The following GBP6 variants were observed in gnomAD, a reference collection of about 807,000 sequenced individuals.
GBP6 encodes guanylate-binding protein 6.
Under a neutral mutation model 61.5 loss-of-function variants are expected in GBP6, and 54 were observed. The ratio of observed to expected loss-of-function variants is 0.88; its 90% CI spans 0.71 to 1.10. The LOEUF (loss-of-function observed/expected upper bound fraction) is 1.10, where lower values mean the gene tolerates loss of function less well. Among genes scored for constraint, GBP6 ranks in the 50% least tolerant of loss-of-function variants. The pLI, the probability that GBP6 is intolerant of heterozygous loss-of-function variation, is 0.00. For missense variants in GBP6, 748 were observed against 752.8 expected (o/e 0.99, Z 0.07); for synonymous variants, 255 against 273.7 (o/e 0.93, Z 0.67).
In GBP6 at chr1:89,385,231, T is replaced by A. The variant is rs775584880; in HGVS notation, c.1664T>A (p.Val555Asp). Residue 555 changes from valine to aspartate, a missense_variant and splice_region_variant, in exon 11 of 11, where the codon GTC becomes GAC. Physicochemically the swap from Val to Asp is radical, Grantham distance 152. Coordinates refer to ENST00000370456, the MANE Select transcript of GBP6 (RefSeq NM_198460.3). ...CTTTCCTTCCTACATTGTCTTTAGG[T>A]CCAAAATGATTGGCTTCATGAAGGA... ...QIMMLEHTQK[V>D]QNDWLHEGFK... 1.2e-6 allele frequency: 2 copies of A among 1,612,636 alleles called. No individual in the cohort carries two copies. Among genetic ancestry groups the A allele is most frequent in the Non-Finnish European group, 1.7e-6 (2 of 1,178,834 alleles).
Position 89,381,763 on chromosome 1 carries a change from C to T in GBP6, c.941C>T (p.Ala314Val). 1 of 1,614,150 alleles carries T rather than the reference C, an allele frequency of 6.2e-7. No homozygotes were observed. Among genetic ancestry groups the T allele is most frequent in the African/African-American group, 1.3e-5 (1 of 75,030 alleles). The change falls in exon 7 of 11, where the codon GCA (alanine) becomes GTA (valine). Residue 314 changes from alanine (A) to valine (V), a missense_variant. Ala to Val is a moderately conservative substitution (Grantham distance 64). Transcript: ENST00000370456. ...NSGAVPCLENAVITLAQRENS... is the reference protein window; with the variant it reads ...NSGAVPCLENVVITLAQRENS... ...GGAGCAGTGCCTTGTCTGGAGAATG[C>T]AGTGATAACTCTGGCCCAGCGTGAG...
At position 89,387,098 on chromosome 1, in the gene GBP6, A is replaced by G. The variant is rs1653164502; in HGVS notation, c.*1629A>G. ...TAGCCTTGATCTGAGCTAATTTCAG[A>G]CCCTGAACTCAGTTGGAGTGGAGGG... On this transcript the variant is annotated 3_prime_UTR_variant, in exon 11 of 11. Transcript: ENST00000370456. 6.6e-6 allele frequency among the ~76,000 whole-genome samples: 1 copy of G among 152,126 alleles called. No homozygotes were observed. Among genetic ancestry groups the G allele is most frequent in the Non-Finnish European group, 1.5e-5 (1 of 68,032 alleles).
intron 1 of GBP6, among the ~76,000 whole-genome samples, chr1:89,367,992 T>C (rs1248486313): frequency 6.6e-6 from 1 of 152,244 alleles, no homozygotes; most frequent in Non-Finnish European, 1.5e-5. Flanking sequence ...TATAGACTTA[T>C]GACTGTTTTC....
At position 89,383,807 on chromosome 1, in the gene GBP6, C is replaced by T. The variant is rs547688637; in HGVS notation, c.1468+53C>T. On this transcript the variant is annotated intron_variant, in intron 9 of 10. Coordinates refer to ENST00000370456, the MANE Select transcript of GBP6 (RefSeq NM_198460.3). ...GAGGGGTACGTTTATACAATGCCCT[C>T]TAACAGATCTAACAGGAAAACCTTC... The T allele has an allele frequency of 3.8e-5, 47 of 1,252,902 alleles. No homozygotes were observed. In the East Asian group the frequency reaches 1.0e-3, roughly 27 times the overall value. 77.6% of individuals were successfully genotyped at this position (1,252,902 alleles called of 1,614,324 possible).
chr1:89,378,080 C>A (rs1652855142), intron 3 of GBP6, 23 bp from the exon 4 acceptor site: 18 of 1,602,086 alleles, frequency 1.1e-5, no homozygotes, highest in Non-Finnish European at 1.5e-5. Flanking sequence ...CTCCTAAGTC[C>A]TTTGCTCTAA....
At chr1:89,368,936 GA>G (rs1652541705) in intron 2 of GBP6, among the ~76,000 whole-genome samples, 195 bp downstream of exon 2, 1 of 152,116 alleles carries the variant, frequency 6.6e-6, no homozygotes, top group Admixed American at 6.5e-5. Flanking sequence ...TCCCATTAAG[GA>G]AACTCTACAT....
chr1:89,379,719 G>A (rs891667118), intron 5 of GBP6, among the ~76,000 whole-genome samples: 4 of 152,118 alleles, frequency 2.6e-5, no homozygotes, highest in Non-Finnish European at 5.9e-5. Flanking sequence ...TGAACTCGTT[G>A]TTGCTTTCAT....
rs1653149394 is a variant in GBP6 at position 89,386,509 on chromosome 1, A to G, written c.*1040A>G. On this transcript the variant is annotated 3_prime_UTR_variant, in exon 11 of 11. Transcript: ENST00000370456. ...TCTAGGAATTACATCAGCCAGCCCA[A>G]TGAGGGGTCTAAGACTAAGATCTGA... 1 of 152,228 alleles carries G rather than the reference A, an allele frequency of 6.6e-6. No homozygotes were observed. Among genetic ancestry groups the G allele is most frequent in the South Asian group, 2.1e-4 (1 of 4,832 alleles). The allele number at this position is 152,228 out of a possible 1,614,324, so 9.4% of individuals were successfully genotyped here. A position where few individuals can be genotyped will look rare whatever the true frequency, so the allele number is the denominator to read the frequency against.
At chr1:89,364,788 T>A (rs1216532013) in intron 1 of GBP6, among the ~76,000 whole-genome samples, 8 of 143,262 alleles carry the variant, frequency 5.6e-5, no homozygotes, top group Non-Finnish European at 7.6e-5. Context: ...GTTGATTCTT[T>A]AAAAAAAAAA....
rs968362722 is a variant in GBP6, at chr1:89,369,740, G to A, written c.318+67G>A. 11 of 1,524,632 alleles carry A rather than the reference G, an allele frequency of 7.2e-6. No individual in the cohort carries two copies. The African/African-American group carries it at 1.1e-4, about 15-fold the overall frequency. 94.4% of individuals were successfully genotyped at this position (1,524,632 alleles called of 1,614,324 possible). On this transcript the variant is annotated intron_variant, in intron 3 of 10. Transcript: ENST00000370456. Reference sequence around the variant, plus strand: ...GTGATCCTTGTAATTAAACTGTTGTGATCTATTTGTGCAAACTAGAAATCC... The same window carrying A: ...GTGATCCTTGTAATTAAACTGTTGTAATCTATTTGTGCAAACTAGAAATCC...
chr1:89,383,602 C>A, intron 8 of GBP6, 50 bp from the exon 9 acceptor site: 2 of 1,304,420 alleles, frequency 1.5e-6, no homozygotes, highest in South Asian at 1.2e-5. Context: ...CACTAATACC[C>A]AGAACATAGA....
intron 6 of GBP6, 139 bp from the exon 7 acceptor site, chr1:89,381,555 G>A (rs937751400): frequency 3.6e-5 from 25 of 702,378 alleles, no homozygotes; most frequent in Non-Finnish European, 5.8e-5. Flanking sequence ...ATAGCAGAAG[G>A]AGGTAGGGAT....
chr1:89,367,601 GCCT>G (rs1203788821), intron 1 of GBP6, among the ~76,000 whole-genome samples: 2 of 152,082 alleles, frequency 1.3e-5, no homozygotes, highest in South Asian at 2.1e-4. Flanking sequence ...TCCATAGATT[GCCT>G]TTTTACTCTG....
rs147018119 is a variant in GBP6 at position 89,387,595 on chromosome 1, G to A, written c.*2126G>A. On this transcript the variant is annotated 3_prime_UTR_variant, in exon 11 of 11. Transcript: ENST00000370456. ...ACTTTCCAGAGATCAGTGGTAATAA[G>A]TTGTTTGAATTTTCGACACCAGATT... Among the ~76,000 whole-genome samples the A allele has an allele frequency of 1.2e-3, 187 of 152,262 alleles. 1 individual carries two copies. The highest frequency in any genetic ancestry group is 4.3e-3 in the African/African-American group (180 of 41,548).
chr1:89,371,140 A>G (rs61320141), intron 3 of GBP6, among the ~76,000 whole-genome samples: 1 of 152,176 alleles, frequency 6.6e-6, no homozygotes, highest in Non-Finnish European at 1.5e-5. Flanking sequence ...TAACGACCTC[A>G]GTGTTCATCT....
At position 89,368,529 on chromosome 1, in the gene GBP6, G is replaced by T; in HGVS notation, c.-23G>T. 2 of 1,605,304 alleles carry T rather than the reference G, an allele frequency of 1.2e-6. No individual in the cohort carries two copies. The highest frequency in any genetic ancestry group is 1.1e-5 in the South Asian group (1 of 90,098). On this transcript the variant is annotated splice_region_variant and 5_prime_UTR_variant, in exon 2 of 11. Transcript: ENST00000370456. ...AATGTAACGTTATTTCTACTGGGAG[G>T]CTCTTCTAGGTTGGCAGTTGCCATG...
Position 89,379,353 on chromosome 1 carries a change from G to C in GBP6, c.625+740G>C, listed in dbSNP as rs866347229. The stretch of plus-strand genomic sequence containing the variant: ...TAGGCCCACCTCCAACATTGGGGGG[G>C]GGGGGTCATATTTCAACATGAGATT... On this transcript the variant is annotated intron_variant, in intron 5 of 10. Coordinates refer to ENST00000370456, the MANE Select transcript of GBP6 (RefSeq NM_198460.3). Among the ~76,000 whole-genome samples, 938 of 152,176 alleles carry C rather than the reference G, an allele frequency of 6.2e-3. 8 individuals carry two copies. Among genetic ancestry groups the C allele is most frequent in the African/African-American group, 0.021 (881 of 41,508 alleles).
chr1:89,378,276 G>A, intron 4 of GBP6, 64 bp downstream of exon 4: 3 of 1,554,572 alleles, frequency 1.9e-6, no homozygotes, highest in Non-Finnish European at 2.6e-6. Context: ...TGGAGATCAA[G>A]TCATTTCCTC....
chr1:89,378,339 G>A (rs1652864566), intron 4 of GBP6, 78 bp from the exon 5 acceptor site: 3 of 1,536,046 alleles, frequency 2.0e-6, no homozygotes, highest in Non-Finnish European at 2.7e-6. Flanking sequence ...CAAGACAAAA[G>A]AGAGTGTTTA....
Sources: gnomAD v4.1 joint callset for allele counts (sites outside exome capture counted in the v4.1 genomes callset) on GRCh38, gnomAD v4.1.1 for gene constraint, MANE v1.5 for transcripts, NCBI Gene and HGNC (gene_info 2026-07-23, HGNC 2026-07-21) for gene names.